The following HPSE2 variants were observed in gnomAD, a reference collection of about 807,000 sequenced individuals.
HPSE2 encodes inactive heparanase-2.
A neutral mutation model predicts 60.5 loss-of-function variants in HPSE2; 38 were observed. That is an observed-to-expected ratio of 0.63 (90% confidence interval 0.48 to 0.82). HPSE2 has a LOEUF of 0.82. Ranked by LOEUF, HPSE2 falls within the 40% of genes least tolerant of loss-of-function variation. The pLI, the probability that HPSE2 is intolerant of heterozygous loss-of-function variation, is 0.00. For missense variants in HPSE2, 713 were observed against 740.4 expected, an observed-to-expected ratio of 0.96 and a Z score of 0.43; for synonymous variants, 295 against 293.2, an observed-to-expected ratio of 1.01 and a Z score of -0.06.
chr10:98,926,844 T>C (rs1489231944), intron 3 of HPSE2, among the ~76,000 whole-genome samples: 1 of 152,206 alleles, frequency 6.6e-6, no homozygotes. Flanking sequence ...AACATCTTTA[T>C]TTCTACCTTC....
At chr10:99,233,244 T>C (rs950589182) in intron 1 of HPSE2, among the ~76,000 whole-genome samples, 1 of 151,824 alleles carries the variant, frequency 6.6e-6, no homozygotes. Flanking sequence ...AAAGGCAAAG[T>C]CTCTTTGGCC....
At chr10:98,908,804 A>C (rs892881410) in intron 3 of HPSE2, among the ~76,000 whole-genome samples, 2 of 151,636 alleles carry the variant, frequency 1.3e-5, no homozygotes, top group African/African-American at 4.8e-5. Flanking sequence ...AACAAGGGTT[A>C]TTTCTGGGAG....
chr10:98,939,976 A>G (rs1208899453), intron 3 of HPSE2, among the ~76,000 whole-genome samples: 1 of 144,024 alleles, frequency 6.9e-6, no homozygotes, highest in Non-Finnish European at 1.5e-5. Context: ...CTGCTCCTGA[A>G]TGACTACTGG....
intron 2 of HPSE2, among the ~76,000 whole-genome samples, chr10:99,178,773 C>T (rs1188590336): frequency 1.3e-5 from 2 of 152,098 alleles, no homozygotes; most frequent in Non-Finnish European, 2.9e-5. Flanking sequence ...ATTTTATGAG[C>T]CCAACATCAT....
chr10:98,591,524 G>A (rs1354512638), intron 9 of HPSE2, among the ~76,000 whole-genome samples: 1 of 152,012 alleles, frequency 6.6e-6, no homozygotes, highest in Admixed American at 6.6e-5. Context: ...TTAGCCAGGC[G>A]TGGTAGTGTG....
chr10:99,017,016 T>C (rs1214560784), intron 3 of HPSE2, among the ~76,000 whole-genome samples: 1 of 152,196 alleles, frequency 6.6e-6, no homozygotes, highest in Non-Finnish European at 1.5e-5. Context: ...TGCATGCCTT[T>C]TATTTCTTTT....
chr10:99,020,182 A>G (rs1957231247), intron 3 of HPSE2, among the ~76,000 whole-genome samples: 1 of 152,210 alleles, frequency 6.6e-6, no homozygotes. Context: ...ATCAGGCATT[A>G]TACTAGTGGT....
At chr10:98,813,923 G>A (rs1345996386) in intron 3 of HPSE2, among the ~76,000 whole-genome samples, 2 of 152,084 alleles carry the variant, frequency 1.3e-5, no homozygotes, top group Non-Finnish European at 2.9e-5. Flanking sequence ...GGAAAGAGAC[G>A]ACTAATATGT....
At chr10:99,204,718 T>C (rs79270210) in intron 2 of HPSE2, among the ~76,000 whole-genome samples, 3,168 of 152,194 alleles carry the variant, frequency 0.021, 112 homozygotes, top group East Asian at 0.16. Flanking sequence ...TGAATAAATA[T>C]ATGGAAACAT....
intron 3 of HPSE2, among the ~76,000 whole-genome samples, chr10:99,044,645 T>TA (rs1957813999): frequency 6.6e-6 from 1 of 151,296 alleles, no homozygotes; most frequent in Admixed American, 6.6e-5. Context: ...AGGCTCAAAG[T>TA]AAAAAGATGG....
chr10:98,975,769 T>C (rs1477133218), intron 3 of HPSE2, among the ~76,000 whole-genome samples: 1 of 152,084 alleles, frequency 6.6e-6, no homozygotes, highest in African/African-American at 2.4e-5. Context: ...ACAGTTGAGG[T>C]TGGAGCTAGG....
At chr10:99,153,176 G>A (rs1846356785) in intron 2 of HPSE2, among the ~76,000 whole-genome samples, 1 of 152,208 alleles carries the variant, frequency 6.6e-6, no homozygotes. Flanking sequence ...GGCTGGGGGA[G>A]GGGCGCCCGC....
At chr10:99,131,379 T>G (rs1269383102) in intron 3 of HPSE2, among the ~76,000 whole-genome samples, 2 of 152,176 alleles carry the variant, frequency 1.3e-5, no homozygotes, top group Non-Finnish European at 2.9e-5. Context: ...AAAACACACT[T>G]GCACATGCAT....
At chr10:98,852,019 A>C (rs913747364) in intron 3 of HPSE2, among the ~76,000 whole-genome samples, 2 of 151,990 alleles carry the variant, frequency 1.3e-5, no homozygotes, top group African/African-American at 4.8e-5. Context: ...TGCAGACAGC[A>C]CTACCGGTGT....
intron 3 of HPSE2, among the ~76,000 whole-genome samples, chr10:98,762,504 C>A (rs1950028772): frequency 6.6e-6 from 1 of 152,032 alleles, no homozygotes; most frequent in Non-Finnish European, 1.5e-5. Flanking sequence ...GCTGGAGTTA[C>A]CTGCAGGCAA....
At chr10:98,625,628 G>A (rs1946186694) in intron 7 of HPSE2, among the ~76,000 whole-genome samples, 1 of 152,112 alleles carries the variant, frequency 6.6e-6, no homozygotes, top group Admixed American at 6.5e-5. Context: ...CTTGGAAACG[G>A]CAACTTTAAG....
chr10:98,913,653 G>A (rs1954041132), intron 3 of HPSE2, among the ~76,000 whole-genome samples: 1 of 152,110 alleles, frequency 6.6e-6, no homozygotes, highest in African/African-American at 2.4e-5. Context: ...CTACCAAAAT[G>A]AGCAGCCCAA....
At chr10:99,162,473 G>C (rs1846883361) in intron 2 of HPSE2, among the ~76,000 whole-genome samples, 1 of 152,170 alleles carries the variant, frequency 6.6e-6, no homozygotes, top group Admixed American at 6.6e-5. Flanking sequence ...CACACACAGG[G>C]ACAGGGCTAA....
intron 3 of HPSE2, among the ~76,000 whole-genome samples, chr10:99,084,328 T>C (rs374471229): frequency 6.6e-6 from 1 of 150,792 alleles, no homozygotes; most frequent in African/African-American, 2.5e-5. Flanking sequence ...AGGTTCTTTT[T>C]TTTCCCCTAA....
Sources: allele counts gnomAD v4.1 joint callset (sites outside exome capture counted in the v4.1 genomes callset), GRCh38; gene constraint gnomAD v4.1.1; transcripts MANE v1.5; gene names NCBI Gene and HGNC (gene_info 2026-07-23, HGNC 2026-07-21).